DMXL1: variants seen among roughly 807,000 people sequenced by gnomAD.
DMXL1 encodes the protein dmX-like protein 1.
A neutral mutation model predicts 319.2 loss-of-function variants in DMXL1; 99 were observed. The ratio of observed to expected loss-of-function variants is 0.31; its 90% CI spans 0.26 to 0.37. The LOEUF is 0.37. Among genes scored for constraint, DMXL1 ranks in the 10% least tolerant of loss-of-function variants. The pLI is 1.00. For synonymous variants in DMXL1, 1,385 were observed against 1,235.2 expected (o/e 1.12, Z -2.54); for missense variants, 3,745 against 3,595.6 (o/e 1.04, Z -1.06).
At position 119,248,659 on chromosome 5, in the gene DMXL1, A is replaced by G. The variant is rs895273613; in HGVS notation, c.*1440A>G. ...AAAGAAATGAAGGGCTGGTAAAATG[A>G]ATTTTGTAATATCCTCAGGATACTT... On this transcript the variant is annotated 3_prime_UTR_variant, in exon 44 of 44. Transcript: ENST00000539542. 4 of 152,510 alleles carry G rather than the reference A, an allele frequency of 2.6e-5. No individual in the cohort carries two copies. The highest frequency in any genetic ancestry group is 9.7e-5 in the African/African-American group (4 of 41,450). 9.4% of individuals were successfully genotyped at this position (152,510 alleles called of 1,614,324 possible). A position where few individuals can be genotyped will look rare whatever the true frequency, so the allele number is the denominator to read the frequency against.
At chr5:119,084,830 C>G (rs1181056070) in intron 1 of DMXL1, among the ~76,000 whole-genome samples, 2 of 149,898 alleles carry the variant, frequency 1.3e-5, no homozygotes, top group Non-Finnish European at 3.0e-5. Flanking sequence ...CGCCATTGCA[C>G]TCCACCCTGG....
Position 119,147,290 on chromosome 5 carries a change from C to T in DMXL1, c.2731C>T (p.Pro911Ser), listed in dbSNP as rs1768789199. The T allele has an allele frequency of 6.2e-7, 1 of 1,613,396 alleles. No individual in the cohort carries two copies. The highest frequency in any genetic ancestry group is 8.5e-7 in the Non-Finnish European group (1 of 1,179,628). ...DTKLSEAVWQ[P>S]EEHYSSSPEK... is the part of the protein sequence containing the mutation. Reference sequence around the variant, plus strand: ...AAAATTATCCGAAGCGGTTTGGCAGCCAGAAGAACATTATTCTTCTTCTCC... The same window carrying T: ...AAAATTATCCGAAGCGGTTTGGCAGTCAGAAGAACATTATTCTTCTTCTCC... The change falls in exon 17 of 44, where the codon CCA (proline) becomes TCA (serine). Residue 911 changes from proline (P) to serine (S), a missense_variant. By Grantham distance (74) the Pro-to-Ser change is moderately conservative. Coordinates refer to ENST00000539542, the MANE Select transcript of DMXL1 (RefSeq NM_001290321.3).
rs1346094516 is a variant in DMXL1, at chr5:119,134,326, A to G, written c.2313A>G (p.Arg771=). ...CFVASDGQYL[R]LYEAVIDAKK... ...TAGCCAGTGATGGACAATATCTGAGATTATATGAAGCAGTTATTGATGCTA... is the reference window on the plus strand; with the variant it reads ...TAGCCAGTGATGGACAATATCTGAGGTTATATGAAGCAGTTATTGATGCTA... Residue 771 remains arginine (R), a synonymous_variant, in exon 13 of 44, where the codon AGA becomes AGG. Coordinates refer to ENST00000539542, the MANE Select transcript of DMXL1 (RefSeq NM_001290321.3). 3.7e-6 allele frequency: 6 copies of G among 1,613,720 alleles called. No individual in the cohort carries two copies. The highest frequency in any genetic ancestry group is 3.3e-5 in the South Asian group (3 of 91,048).
intron 13 of DMXL1, among the ~76,000 whole-genome samples, chr5:119,135,947 C>T (rs1397511043): frequency 6.6e-6 from 1 of 152,180 alleles, no homozygotes; most frequent in Non-Finnish European, 1.5e-5. Flanking sequence ...GGTGTTGGAA[C>T]TGGGTAACAG....
chr5:119,117,392 G>T (rs1348176172), intron 7 of DMXL1, among the ~76,000 whole-genome samples: 1 of 152,090 alleles, frequency 6.6e-6, no homozygotes, highest in African/African-American at 2.4e-5. Context: ...ACACCATGTG[G>T]CATTTTTTCC....
intron 34 of DMXL1, among the ~76,000 whole-genome samples, chr5:119,211,911 T>A (rs945300774): frequency 6.6e-6 from 1 of 152,230 alleles, no homozygotes; most frequent in African/African-American, 2.4e-5. Flanking sequence ...TTAAACCTGT[T>A]GCTTCTCTAA....
At chr5:119,189,613 C>T (rs1254968848) in intron 28 of DMXL1, 95 bp from the exon 29 acceptor site, 8 of 1,108,318 alleles carry the variant, frequency 7.2e-6, no homozygotes, top group Admixed American at 6.9e-5. Flanking sequence ...TTTGTGTGTG[C>T]TTATTTGTAG....
chr5:119,085,721 C>T (rs749055324), intron 1 of DMXL1, among the ~76,000 whole-genome samples: 2 of 152,058 alleles, frequency 1.3e-5, no homozygotes, highest in Non-Finnish European at 2.9e-5. Flanking sequence ...ACTTCTAGTA[C>T]TATACTGAAT....
intron 19 of DMXL1, among the ~76,000 whole-genome samples, chr5:119,158,419 G>A (rs2150188660): frequency 6.6e-6 from 1 of 152,230 alleles, no homozygotes; most frequent in East Asian, 1.9e-4. Context: ...TGTGTTGTTA[G>A]CAAACAGTGA....
At chr5:119,109,191 C>G (rs927782119) in intron 4 of DMXL1, among the ~76,000 whole-genome samples, 4 of 152,180 alleles carry the variant, frequency 2.6e-5, no homozygotes, top group Non-Finnish European at 5.9e-5. Flanking sequence ...TGTTGTCTGT[C>G]TCTGGAGTTG....
intron 9 of DMXL1, among the ~76,000 whole-genome samples, chr5:119,122,081 C>T (rs1351972878): frequency 7.5e-4 from 105 of 140,378 alleles, no homozygotes; most frequent in African/African-American, 1.4e-3. Flanking sequence ...GCTGGCCGGG[C>T]GGGGGGCTGA....
intron 1 of DMXL1, among the ~76,000 whole-genome samples, chr5:119,086,631 T>C (rs1336100831): frequency 6.6e-6 from 1 of 152,222 alleles, no homozygotes; most frequent in Non-Finnish European, 1.5e-5. Flanking sequence ...TGTTAGTTCT[T>C]CTTTAAATGT....
chr5:119,097,734 A>G (rs549425821), intron 1 of DMXL1, among the ~76,000 whole-genome samples: 1 of 152,266 alleles, frequency 6.6e-6, no homozygotes, highest in African/African-American at 2.4e-5. Context: ...AAAATAAAAA[A>G]GTGGACAGAG....
intron 17 of DMXL1, 115 bp downstream of exon 17, chr5:119,147,585 A>T (rs967017420): frequency 2.9e-6 from 2 of 679,156 alleles, no homozygotes; most frequent in Non-Finnish European, 5.0e-6. Flanking sequence ...AAATGGAAAT[A>T]ATATATTCAA....
At chr5:119,117,317 A>G (rs1233334456) in intron 7 of DMXL1, among the ~76,000 whole-genome samples, 1 of 152,164 alleles carries the variant, frequency 6.6e-6, no homozygotes, top group Admixed American at 6.5e-5. Context: ...CTGGAATTAC[A>G]AGCATGAGCC....
intron 31 of DMXL1, 57 bp downstream of exon 31, chr5:119,196,513 T>TAG: frequency 1.1e-5 from 12 of 1,124,618 alleles, no homozygotes; most frequent in Non-Finnish European, 1.4e-5. Flanking sequence ...TACTACTCTG[T>TAG]TGTTTTTTTT....
At chr5:119,156,541 A>G (rs985073210) in intron 19 of DMXL1, among the ~76,000 whole-genome samples, 1 of 152,178 alleles carries the variant, frequency 6.6e-6, no homozygotes, top group African/African-American at 2.4e-5. Flanking sequence ...TTGTGAAGAA[A>G]ACTTCACTTA....
chr5:119,112,659 T>C (rs1052187981), intron 5 of DMXL1, among the ~76,000 whole-genome samples: 1 of 152,282 alleles, frequency 6.6e-6, no homozygotes, highest in South Asian at 2.1e-4. Flanking sequence ...TAAATAATTC[T>C]TTAGAAAGAG....
intron 13 of DMXL1, among the ~76,000 whole-genome samples, chr5:119,137,544 T>TA (rs1309359885): frequency 6.6e-6 from 1 of 152,208 alleles, no homozygotes; most frequent in African/African-American, 2.4e-5. Context: ...CATTTCGAAT[T>TA]ATAATTGCCA....
Sources: allele counts gnomAD v4.1 joint callset (sites outside exome capture counted in the v4.1 genomes callset), GRCh38; gene constraint gnomAD v4.1.1; transcripts MANE v1.5; gene names NCBI Gene and HGNC (gene_info 2026-07-23, HGNC 2026-07-21).